Variants in QTMAN observed in about 807,000 individuals in gnomAD.
The protein encoded by QTMAN is queuosine-tRNA mannosyltransferase, also known as tRNA-queuosine alpha-mannosyltransferase.
At chr2:143,991,920 G>GC in the QTMAN span, among the ~76,000 whole-genome samples, 15 of 149,612 alleles carry the variant, frequency 1.0e-4, no homozygotes, top group African/African-American at 3.4e-4. Context: ...GGGGGGGTCA[G>GC]CCCCCCGCCC....
At chr2:144,292,760 T>C in the QTMAN span, among the ~76,000 whole-genome samples, 52 of 152,258 alleles carry the variant, frequency 3.4e-4, no homozygotes, top group South Asian at 7.9e-3. Flanking sequence ...AATTATATAA[T>C]TGAAACAGAA....
the QTMAN span, among the ~76,000 whole-genome samples, chr2:144,194,410 G>A: frequency 7.9e-5 from 12 of 152,080 alleles, no homozygotes; most frequent in Admixed American, 2.0e-4. Context: ...TCGTCCCTCT[G>A]GGCTCCTATG....
At chr2:144,193,555 C>T in the QTMAN span, among the ~76,000 whole-genome samples, 1 of 151,118 alleles carries the variant, frequency 6.6e-6, no homozygotes, top group African/African-American at 2.4e-5. Context: ...AGGTCTCGCT[C>T]TGTCACCTAG....
the QTMAN span, chr2:143,957,397 A>C: frequency 9.3e-7 from 1 of 1,080,240 alleles, no homozygotes. Flanking sequence ...ATGATATGAG[A>C]TGTCAGCAGT....
the QTMAN span, among the ~76,000 whole-genome samples, chr2:144,224,369 T>C: frequency 6.6e-6 from 1 of 152,252 alleles, no homozygotes; most frequent in Non-Finnish European, 1.5e-5. Context: ...AAATACTTAT[T>C]GTGCCTACTA....
At chr2:144,148,882 T>C in the QTMAN span, among the ~76,000 whole-genome samples, 1 of 151,980 alleles carries the variant, frequency 6.6e-6, no homozygotes, top group Non-Finnish European at 1.5e-5. Flanking sequence ...ATTTGTATAA[T>C]TAATCTTGAA....
the QTMAN span, among the ~76,000 whole-genome samples, chr2:144,331,072 T>C: frequency 1.3e-5 from 2 of 152,178 alleles, no homozygotes; most frequent in Non-Finnish European, 2.9e-5. Context: ...TTTTCAAGCA[T>C]GTCAAAGAAA....
the QTMAN span, among the ~76,000 whole-genome samples, chr2:144,316,571 G>C: frequency 6.6e-6 from 1 of 152,014 alleles, no homozygotes; most frequent in Non-Finnish European, 1.5e-5. Flanking sequence ...TATGAGTTTT[G>C]TACCATGGCA....
the QTMAN span, among the ~76,000 whole-genome samples, chr2:144,224,628 A>C: frequency 2.5e-4 from 38 of 152,284 alleles, 1 homozygote; most frequent in South Asian, 5.4e-3. Context: ...TAATGAGATG[A>C]CATCTAAACA....
the QTMAN span, among the ~76,000 whole-genome samples, chr2:144,044,776 A>G: frequency 3.3e-5 from 5 of 152,210 alleles, no homozygotes; most frequent in African/African-American, 4.8e-5. Flanking sequence ...AAAATAAATG[A>G]TACAGATGTA....
At chr2:144,094,433 G>A in the QTMAN span, among the ~76,000 whole-genome samples, 3 of 152,156 alleles carry the variant, frequency 2.0e-5, no homozygotes, top group African/African-American at 7.2e-5. Context: ...AAATATCCAA[G>A]ACTGAGTAAT....
At chr2:144,297,487 G>A in the QTMAN span, among the ~76,000 whole-genome samples, 1 of 151,792 alleles carries the variant, frequency 6.6e-6, no homozygotes, top group Non-Finnish European at 1.5e-5. Flanking sequence ...TTAAATGGTA[G>A]GTCTCGGTTC....
the QTMAN span, among the ~76,000 whole-genome samples, chr2:144,197,319 G>GTGTA: frequency 6.4e-3 from 922 of 143,606 alleles, 4 homozygotes; most frequent in Non-Finnish European, 0.011. Context: ...GTGTGTGTGT[G>GTGTA]TATATATATA....
At chr2:144,330,790 T>TACTA in the QTMAN span, among the ~76,000 whole-genome samples, 1 of 152,240 alleles carries the variant, frequency 6.6e-6, no homozygotes, top group Non-Finnish European at 1.5e-5. Context: ...TAATGAAGAC[T>TACTA]ACTAGTTCTA....
At chr2:144,097,334 T>C in the QTMAN span, among the ~76,000 whole-genome samples, 1 of 152,232 alleles carries the variant, frequency 6.6e-6, no homozygotes, top group Non-Finnish European at 1.5e-5. Context: ...TCTCTTCACT[T>C]GACCTCTGGT....
At chr2:144,109,205 CA>C in the QTMAN span, among the ~76,000 whole-genome samples, 1 of 152,218 alleles carries the variant, frequency 6.6e-6, no homozygotes, top group South Asian at 2.1e-4. Context: ...AGAAATAGAC[CA>C]ATGTAATAGA....
the QTMAN span, among the ~76,000 whole-genome samples, chr2:144,330,670 T>A: frequency 2.6e-5 from 4 of 152,122 alleles, no homozygotes; most frequent in Non-Finnish European, 5.9e-5. Context: ...AGGAAAAAAA[T>A]TTCATTTAAT....
the QTMAN span, among the ~76,000 whole-genome samples, chr2:144,061,432 T>C: frequency 6.6e-6 from 1 of 152,192 alleles, no homozygotes; most frequent in African/African-American, 2.4e-5. Flanking sequence ...AAGTCTCCAA[T>C]TTGTAAAACT....
At chr2:144,087,285 A>C in the QTMAN span, among the ~76,000 whole-genome samples, 1 of 152,170 alleles carries the variant, frequency 6.6e-6, no homozygotes, top group African/African-American at 2.4e-5. Context: ...GCAACACTTG[A>C]ATATCCAATA....
Sources: gnomAD v4.1 joint callset for allele counts (sites outside exome capture counted in the v4.1 genomes callset) on GRCh38, gnomAD v4.1.1 for gene constraint, MANE v1.5 for transcripts, NCBI Gene and HGNC (gene_info 2026-07-23, HGNC 2026-07-21) for gene names.